Variants in NACC2 observed in about 807,000 individuals in gnomAD.
NACC2 encodes the protein nucleus accumbens-associated protein 2.
In NACC2, 8 loss-of-function variants were observed where a neutral mutation model predicts 25.1. The ratio of observed to expected loss-of-function variants is 0.32; its 90% CI spans 0.19 to 0.57. The LOEUF (loss-of-function observed/expected upper bound fraction) is 0.57, where lower values mean the gene tolerates loss of function less well. Among genes scored for constraint, NACC2 ranks in the 20% least tolerant of loss-of-function variants. The pLI, the probability that NACC2 is intolerant of heterozygous loss-of-function variation, is 0.89. For synonymous variants in NACC2, 435 were observed against 294.7 expected, an observed-to-expected ratio of 1.48 and a Z score of -4.88; for missense variants, 644 against 650.2, an observed-to-expected ratio of 0.99 and a Z score of 0.10.
At chr9:136,053,411 G>A (rs1840877447) in intron 1 of NACC2, among the ~76,000 whole-genome samples, 2 of 152,178 alleles carry the variant, frequency 1.3e-5, no homozygotes, top group Non-Finnish European at 2.9e-5. Flanking sequence ...AGACTGGGAT[G>A]GGGGCGTTTA....
At chr9:136,015,624 G>A (rs1840188366) in intron 3 of NACC2, among the ~76,000 whole-genome samples, 2 of 152,188 alleles carry the variant, frequency 1.3e-5, no homozygotes, top group South Asian at 4.1e-4. Context: ...CTCAGGCTGT[G>A]GCCAAGGAAA....
rs1035092901 is a variant in NACC2, at chr9:136,018,686, A to G, written c.887-2257T>C. Among the ~76,000 whole-genome samples, 1 of 151,040 alleles carries G rather than the reference A, an allele frequency of 6.6e-6. No individual in the cohort carries two copies. The highest frequency in any genetic ancestry group is 1.5e-5 in the Non-Finnish European group (1 of 67,706). ...GGTGCACAGCCCCTGCCCGGCCACTACAGGGGTCAGGCAGCATTTCCCGGT... is the reference window on the plus strand; with the variant it reads ...GGTGCACAGCCCCTGCCCGGCCACTGCAGGGGTCAGGCAGCATTTCCCGGT... On this transcript the variant is annotated intron_variant, in intron 2 of 5. Coordinates refer to ENST00000277554, the MANE Select transcript of NACC2 (RefSeq NM_144653.5). This position sits in a 1 kb window ranked among gnomAD's most constrained non-coding sequence, Gnocchi z 4.4.
At chr9:136,094,414 C>G (rs1830465500) in intron 1 of NACC2, among the ~76,000 whole-genome samples, 1 of 152,202 alleles carries the variant, frequency 6.6e-6, no homozygotes, top group Non-Finnish European at 1.5e-5. Context: ...CGACCCCACA[C>G]GATCCCAGCA....
At chr9:136,048,942 G>A (rs1193214647) in intron 2 of NACC2, among the ~76,000 whole-genome samples, 1 of 152,244 alleles carries the variant, frequency 6.6e-6, no homozygotes, top group Non-Finnish European at 1.5e-5. Flanking sequence ...GGCCCTGCAT[G>A]CAGACCAGCC....
chr9:136,016,317 A>G lies in NACC2; in HGVS notation c.999T>C (p.His333=). Residue 333 remains histidine, a synonymous_variant, in exon 3 of 6, where the codon CAT becomes CAC. Coordinates refer to ENST00000277554, the MANE Select transcript of NACC2 (RefSeq NM_144653.5). ...GGTCCCCTTCCGAGTAGAGCTTGGG[A>G]TGGCAGCGGTATCCGATCTGGCTGA... ...SLISQIGYRC[H]PKLYSEGDPG... is the part of the protein sequence containing the mutation. The G allele has an allele frequency of 6.2e-7, 1 of 1,612,724 alleles. No homozygotes were observed.
intron 1 of NACC2, among the ~76,000 whole-genome samples, chr9:136,085,146 T>C: frequency 8.2e-6 from 1 of 121,348 alleles, no homozygotes; most frequent in African/African-American, 3.1e-5. Context: ...AATTTTTTTT[T>C]TTTTTTTTTT....
chr9:136,050,171 G>C lies in NACC2; in HGVS notation c.351C>G (p.Thr117=), dbSNP rs1434328076. The change falls in exon 2 of 6, where the codon ACC becomes ACG. Residue 117 remains threonine (T), a synonymous_variant. Transcript: ENST00000277554. The stretch of plus-strand genomic sequence containing the variant: ...GCGAGCTCACCTTGAACATGAGGTC[G>C]GTGCCGCGCTCCACGATGTGCTGGA... ...LQIQHIVERG[T]DLMFKVSSPH... is the part of the protein sequence containing the mutation. 3 of 770,562 alleles carry C rather than the reference G, an allele frequency of 3.9e-6. No homozygotes were observed. The highest frequency in any genetic ancestry group is 7.2e-6 in the Non-Finnish European group (3 of 415,566). The allele number at this position is 770,562 out of a possible 1,614,324, so 47.7% of individuals were successfully genotyped here.
At chr9:136,023,037 G>A in intron 2 of NACC2, among the ~76,000 whole-genome samples, 1 of 101,324 alleles carries the variant, frequency 9.9e-6, no homozygotes, top group Non-Finnish European at 2.0e-5. Context: ...ACATCAGGAA[G>A]GAGGGAGGGA....
intron 1 of NACC2, among the ~76,000 whole-genome samples, chr9:136,085,663 G>T (rs1303195300): frequency 6.6e-6 from 1 of 152,246 alleles, no homozygotes; most frequent in East Asian, 1.9e-4. Context: ...GCCCACACTG[G>T]AACAAGACAC....
chr9:136,042,659 G>C (rs1396834439), intron 2 of NACC2, among the ~76,000 whole-genome samples: 4 of 150,428 alleles, frequency 2.7e-5, no homozygotes, highest in African/African-American at 9.8e-5. Flanking sequence ...CACACACACA[G>C]AAACACACAC....
Position 136,011,356 on chromosome 9 carries a change from T to G in NACC2, c.*160A>C. On this transcript the variant is annotated 3_prime_UTR_variant, in exon 6 of 6. Coordinates refer to ENST00000277554, the MANE Select transcript of NACC2 (RefSeq NM_144653.5). ...GTTTACAGTATAATGAATGCATTTG[T>G]TTCCTTCATCAATTTTAAATACAAG... The G allele has an allele frequency of 1.2e-5, 10 of 827,044 alleles. No individual in the cohort carries two copies. Among genetic ancestry groups the G allele is most frequent in the African/African-American group, 1.8e-5 (1 of 56,616 alleles). The allele number at this position is 827,044 out of a possible 1,614,324, so 51.2% of individuals were successfully genotyped here. A position where few individuals can be genotyped will look rare whatever the true frequency, so the allele number is the denominator to read the frequency against.
rs769548655 is a variant in NACC2 at position 136,013,947 on chromosome 9, G to A, written c.1074C>T (p.Arg358=). ...ACAGGTGGCAGTTCATCAGCTGGCC[G>A]CGTGTGATGTAGACCCCAGAGCCTG... The part of the protein sequence containing the change: ...LVAGSGVYIT[R]GQLMNCHLCA... Residue 358 remains arginine (R), a synonymous_variant, in exon 4 of 6, where the codon CGC becomes CGT. Coordinates refer to ENST00000277554, the MANE Select transcript of NACC2 (RefSeq NM_144653.5). This position sits in a 1 kb window ranked among gnomAD's most constrained non-coding sequence, Gnocchi z 6.6. 65 of 1,612,584 alleles carry A rather than the reference G, an allele frequency of 4.0e-5. No individual in the cohort carries two copies. The highest frequency in any genetic ancestry group is 2.7e-4 in the Admixed American group (16 of 59,986).
intron 1 of NACC2, among the ~76,000 whole-genome samples, chr9:136,077,878 C>A (rs1429434508): frequency 6.6e-6 from 1 of 152,194 alleles, no homozygotes; most frequent in Non-Finnish European, 1.5e-5. Flanking sequence ...CAAAGGTGTG[C>A]CTTTGGGAGT....
At chr9:136,016,233 G>A (rs1173645644) in intron 3 of NACC2, 32 bp downstream of exon 3, 1 of 1,609,866 alleles carries the variant, frequency 6.2e-7, no homozygotes. Flanking sequence ...GAGGACATTT[G>A]CATACAATAG....
At chr9:136,062,114 A>ACAG (rs1841019217) in intron 1 of NACC2, among the ~76,000 whole-genome samples, 45 of 142,558 alleles carry the variant, frequency 3.2e-4, no homozygotes, top group African/African-American at 1.2e-3. Context: ...CAACAGAGCG[A>ACAG]GACAGGACAG....
intron 2 of NACC2, among the ~76,000 whole-genome samples, chr9:136,028,915 C>T (rs1840435376): frequency 6.6e-6 from 1 of 152,236 alleles, no homozygotes; most frequent in Admixed American, 6.5e-5. Context: ...ATGCCAGGCC[C>T]CTGCCGCCTT....
intron 1 of NACC2, among the ~76,000 whole-genome samples, chr9:136,089,783 CTTTT>C (rs1459346472): frequency 6.9e-6 from 1 of 145,300 alleles, no homozygotes; most frequent in Non-Finnish European, 1.5e-5. Context: ...TTTTTTTTTT[CTTTT>C]TTATTAAAAA....
At chr9:136,023,072 G>T in intron 2 of NACC2, among the ~76,000 whole-genome samples, 1 of 60,602 alleles carries the variant, frequency 1.7e-5, no homozygotes, top group Non-Finnish European at 3.2e-5. Context: ...AGGGAAGAGG[G>T]AGGGAGGAGG....
chr9:136,067,016 C>T (rs908987008), intron 1 of NACC2, among the ~76,000 whole-genome samples: 16 of 151,296 alleles, frequency 1.1e-4, no homozygotes, highest in Non-Finnish European at 1.8e-4. Context: ...TTTGGGAGGT[C>T]AAGGCAGGCG....
Sources: allele counts gnomAD v4.1 joint callset (sites outside exome capture counted in the v4.1 genomes callset), GRCh38; gene constraint gnomAD v4.1.1; non-coding constraint Gnocchi (gnomAD v3.1); transcripts MANE v1.5; gene names NCBI Gene and HGNC (gene_info 2026-07-23, HGNC 2026-07-21).